The following DHCR24 variants were observed in gnomAD, a reference collection of about 807,000 sequenced individuals.
The protein encoded by DHCR24 is 24-dehydrocholesterol reductase.
In DHCR24, 28 loss-of-function variants were observed where a neutral mutation model predicts 61.2. That is an observed-to-expected ratio of 0.46 (90% CI 0.34 to 0.63). DHCR24 has a LOEUF of 0.63. DHCR24 is among the 20% of genes least tolerant of loss of function. DHCR24 has a pLI of 0.01. For missense variants in DHCR24, 538 were observed against 679.1 expected (o/e 0.79, Z 2.31); for synonymous variants, 261 against 275.9 (o/e 0.95, Z 0.54).
At position 54,858,306 on chromosome 1, in the gene DHCR24, C is replaced by T. The variant is rs139871900; in HGVS notation, c.1021-4072G>A. On this transcript the variant is annotated intron_variant, in intron 6 of 8. Transcript: ENST00000371269. ...TTGGTATAAAGTCCTAGCCCACTGG[C>T]CTAAAGGTGACACAACTCTGGAGGG... is the stretch of plus-strand genomic sequence containing the variant. Among the ~76,000 whole-genome samples, 340 of 152,290 alleles carry T rather than the reference C, an allele frequency of 2.2e-3. 1 individual carries two copies. Among genetic ancestry groups the T allele is most frequent in the African/African-American group, 6.4e-3 (267 of 41,562 alleles).
Position 54,852,023 on chromosome 1 carries a change from C to G in DHCR24, c.*210G>C. The G allele has an allele frequency of 1.6e-6, 1 of 617,700 alleles. No individual in the cohort carries two copies. Among genetic ancestry groups the G allele is most frequent in the East Asian group, 2.8e-5 (1 of 35,670 alleles). 38.3% of individuals were successfully genotyped at this position (617,700 alleles called of 1,614,324 possible). On this transcript the variant is annotated 3_prime_UTR_variant, in exon 9 of 9. Transcript: ENST00000371269. ...AATGAGTTCTAAACGGGGAACTGGA[C>G]TCAGGCTTGTCTGACTCCAAATCCC... is the stretch of plus-strand genomic sequence containing the variant.
At chr1:54,853,711 C>T in intron 7 of DHCR24, 99 bp from the exon 8 acceptor site, 1 of 1,370,012 alleles carries the variant, frequency 7.3e-7, no homozygotes, top group Non-Finnish European at 1.0e-6. Context: ...GGCTTTGCAG[C>T]ATTCTCAAGA....
chr1:54,887,026 A>G lies in DHCR24; in HGVS notation c.94T>C (p.Trp32Arg). The change falls in exon 1 of 9, where the codon TGG becomes CGG. Residue 32 changes from tryptophan to arginine, a missense_variant. Transcript: ENST00000371269. ...GLEFVLIHQR[W>R]VFVCLFLLPL... Reference sequence around the variant, plus strand: ...AGGAGGAAGAGGCACACGAACACCCAGCGCTGGTGGATGAGCACGAACTCC... The same window carrying G: ...AGGAGGAAGAGGCACACGAACACCCGGCGCTGGTGGATGAGCACGAACTCC... 1.9e-6 allele frequency: 3 copies of G among 1,613,392 alleles called. No homozygotes were observed. The highest frequency in any genetic ancestry group is 2.5e-6 in the Non-Finnish European group (3 of 1,179,662).
intron 6 of DHCR24, 30 bp from the exon 7 acceptor site, chr1:54,854,264 AAAAAACC>A: frequency 6.4e-7 from 1 of 1,559,788 alleles, no homozygotes; most frequent in Non-Finnish European, 8.7e-7. Context: ...GTTGGAGAGA[AAAAAACC>A]AACAAGGGTT....
Position 54,882,297 on chromosome 1 carries a change from A to G in DHCR24, c.387+1321T>C, listed in dbSNP as rs78899963. On this transcript the variant is annotated intron_variant, in intron 2 of 8. Coordinates refer to ENST00000371269, the MANE Select transcript of DHCR24 (RefSeq NM_014762.4). ...GAAATGTGAATTAAAATTACAATGA[A>G]AAACTACTACACATCTATTAGAATG... 7.5e-3 allele frequency among the ~76,000 whole-genome samples: 1,142 copies of G among 152,332 alleles called. 14 individuals carry two copies. The highest frequency in any genetic ancestry group is 0.026 in the African/African-American group (1,072 of 41,570).
chr1:54,851,985 G>C lies in DHCR24; in HGVS notation c.*248C>G. The C allele has an allele frequency of 1.8e-6, 1 of 560,546 alleles. No individual in the cohort carries two copies. Among genetic ancestry groups the C allele is most frequent in the Non-Finnish European group, 3.2e-6 (1 of 312,252 alleles). The allele number at this position is 560,546 out of a possible 1,614,324, so 34.7% of individuals were successfully genotyped here. ...TCAGAGGGGTTAAGGGACTCACCCA[G>C]AGTCACACAGCTAATGAGTTCTAAA... is the stretch of plus-strand genomic sequence containing the variant. On this transcript the variant is annotated 3_prime_UTR_variant, in exon 9 of 9. Transcript: ENST00000371269.
chr1:54,885,154 G>T (rs972631777), intron 1 of DHCR24, among the ~76,000 whole-genome samples: 1 of 152,188 alleles, frequency 6.6e-6, no homozygotes, highest in Non-Finnish European at 1.5e-5. Flanking sequence ...TCAACACGGG[G>T]AAGGACTTTT....
chr1:54,884,813 C>T (rs1304919971), intron 1 of DHCR24, among the ~76,000 whole-genome samples: 1 of 152,144 alleles, frequency 6.6e-6, no homozygotes, highest in Non-Finnish European at 1.5e-5. Context: ...GCCACTCTCT[C>T]TTTACTGGGG....
chr1:54,880,803 CA>C (rs1570202459), intron 2 of DHCR24, among the ~76,000 whole-genome samples: 1 of 151,264 alleles, frequency 6.6e-6, no homozygotes, highest in East Asian at 2.0e-4. Flanking sequence ...AACAAACAAA[CA>C]AAACCCCCAC....
At chr1:54,859,556 C>A (rs1481982786) in intron 6 of DHCR24, among the ~76,000 whole-genome samples, 2 of 152,204 alleles carry the variant, frequency 1.3e-5, no homozygotes, top group African/African-American at 4.8e-5. Context: ...TCACTGCAAC[C>A]TCCACTTCCT....
intron 6 of DHCR24, among the ~76,000 whole-genome samples, chr1:54,864,129 GAA>G (rs1175294708): frequency 6.6e-6 from 1 of 152,216 alleles, no homozygotes; most frequent in Non-Finnish European, 1.5e-5. Flanking sequence ...AGCCTCAGTG[GAA>G]AAGAGTTTGG....
At chr1:54,871,322 G>T (rs770279004) in intron 5 of DHCR24, 28 bp downstream of exon 5, 2 of 1,612,986 alleles carry the variant, frequency 1.2e-6, no homozygotes, top group Non-Finnish European at 1.7e-6. Context: ...CCCAGTCTTG[G>T]TCAGCAGCAG....
At position 54,871,353 on chromosome 1, in the gene DHCR24, G is replaced by A; in HGVS notation, c.873C>T (p.Ser291=). 1 of 1,614,002 alleles carries A rather than the reference G, an allele frequency of 6.2e-7. No homozygotes were observed. The highest frequency in any genetic ancestry group is 1.1e-5 in the South Asian group (1 of 91,080). Residue 291 remains serine (S), a synonymous_variant, in exon 5 of 9, where the codon AGC becomes AGT. Coordinates refer to ENST00000371269, the MANE Select transcript of DHCR24 (RefSeq NM_014762.4). ...TGVMTDEAEP[S]KLNSIGNYYK... The stretch of plus-strand genomic sequence containing the variant: ...AGCAGCTGACACCCTGGCTTACCTT[G>A]CTGGGCTCTGCCTCATCTGTCATGA...
At chr1:54,862,881 C>T (rs531359766) in intron 6 of DHCR24, among the ~76,000 whole-genome samples, 1 of 152,138 alleles carries the variant, frequency 6.6e-6, no homozygotes, top group East Asian at 1.9e-4. Context: ...TCGAGACCAT[C>T]CTGGCTAACA....
intron 6 of DHCR24, among the ~76,000 whole-genome samples, chr1:54,860,638 T>A (rs619658): frequency 1 from 152,075 of 152,284 alleles, 75,934 homozygotes; most frequent in Middle Eastern, 1. Context: ...CCGAATCCCA[T>A]CATCCTTGGT....
intron 2 of DHCR24, among the ~76,000 whole-genome samples, 162 bp from the exon 3 acceptor site, chr1:54,876,209 A>C (rs1303487155): frequency 1.3e-5 from 2 of 152,176 alleles, no homozygotes; most frequent in African/African-American, 4.8e-5. Flanking sequence ...CTTTAATTAC[A>C]GGGAATGTGA....
chr1:54,884,227 T>C (rs138739648), intron 1 of DHCR24, among the ~76,000 whole-genome samples: 199 of 152,282 alleles, frequency 1.3e-3, no homozygotes, highest in African/African-American at 4.6e-3. Context: ...GCAAAATAAC[T>C]TGTCCAAAGT....
chr1:54,856,320 G>A (rs185001899), intron 6 of DHCR24, among the ~76,000 whole-genome samples: 3 of 152,292 alleles, frequency 2.0e-5, no homozygotes, highest in African/African-American at 4.8e-5. Flanking sequence ...TTATTGGATC[G>A]GGTGCGGTGG....
chr1:54,873,511 G>A (rs1647010341), intron 4 of DHCR24, among the ~76,000 whole-genome samples: 1 of 152,190 alleles, frequency 6.6e-6, no homozygotes, highest in Non-Finnish European at 1.5e-5. Flanking sequence ...AGGTATTCCA[G>A]AAGAAGGCAT....
Sources: allele counts gnomAD v4.1 joint callset (sites outside exome capture counted in the v4.1 genomes callset), GRCh38; gene constraint gnomAD v4.1.1; transcripts MANE v1.5; gene names NCBI Gene and HGNC (gene_info 2026-07-23, HGNC 2026-07-21).